FAM162A: variants seen among roughly 807,000 people sequenced by gnomAD.
The protein encoded by FAM162A is protein FAM162A.
Under a neutral mutation model 21.8 loss-of-function variants are expected in FAM162A, and 23 were observed. The ratio of observed to expected loss-of-function variants is 1.05; its 90% confidence interval spans 0.76 to 1.49. The LOEUF (loss-of-function observed/expected upper bound fraction) is 1.49, where lower values mean the gene tolerates loss of function less well. Among genes scored for constraint, FAM162A ranks in the 40% most tolerant of loss-of-function variants. The pLI, the probability that FAM162A is intolerant of heterozygous loss-of-function variation, is 0.00. For missense variants in FAM162A, 165 were observed against 186.4 expected (o/e 0.89, Z 0.67); for synonymous variants, 53 against 61.3 (o/e 0.86, Z 0.64).
At chr3:122,400,344 C>A (rs111882881) in intron 1 of FAM162A, among the ~76,000 whole-genome samples, 10 of 151,628 alleles carry the variant, frequency 6.6e-5, no homozygotes, top group African/African-American at 1.7e-4. Context: ...ACACAGGGAG[C>A]GGAACATCAT....
chr3:122,404,863 T>C (rs2075670108), intron 3 of FAM162A, among the ~76,000 whole-genome samples: 3 of 152,208 alleles, frequency 2.0e-5, no homozygotes, highest in Non-Finnish European at 1.5e-5. Flanking sequence ...TTGTAGATGA[T>C]GAGTGCAGGT....
intron 1 of FAM162A, among the ~76,000 whole-genome samples, chr3:122,395,187 C>T (rs1353064825): frequency 2.0e-5 from 3 of 152,152 alleles, no homozygotes; most frequent in Non-Finnish European, 4.4e-5. Flanking sequence ...AGGCTGAATG[C>T]GTTTCCCCCA....
chr3:122,396,054 C>T (rs2075625707), intron 1 of FAM162A, among the ~76,000 whole-genome samples: 1 of 152,110 alleles, frequency 6.6e-6, no homozygotes, highest in Admixed American at 6.5e-5. Context: ...CAAAATGGAT[C>T]ACAGACCTAA....
chr3:122,388,843 A>T (rs1001973029), intron 1 of FAM162A, among the ~76,000 whole-genome samples: 1 of 152,140 alleles, frequency 6.6e-6, no homozygotes, highest in African/African-American at 2.4e-5. Flanking sequence ...AGGTCAGGAG[A>T]TCGAGACCAT....
At chr3:122,408,850 C>G (rs2075690374) in intron 4 of FAM162A, among the ~76,000 whole-genome samples, 2 of 152,152 alleles carry the variant, frequency 1.3e-5, no homozygotes, top group Admixed American at 6.5e-5. Context: ...TTAGAGAGTT[C>G]TTCTCCTGTT....
chr3:122,393,919 T>C (rs1433858291), intron 1 of FAM162A, among the ~76,000 whole-genome samples: 1 of 152,316 alleles, frequency 6.6e-6, no homozygotes, highest in Non-Finnish European at 1.5e-5. Flanking sequence ...CTCGCATTGC[T>C]AAAAAGAAAT....
intron 1 of FAM162A, among the ~76,000 whole-genome samples, chr3:122,385,523 A>G (rs1471644537): frequency 6.6e-6 from 1 of 152,258 alleles, no homozygotes; most frequent in Non-Finnish European, 1.5e-5. Flanking sequence ...GACTGCATGA[A>G]AAGAACTTTG....
chr3:122,392,574 A>G (rs1481209026), intron 1 of FAM162A, among the ~76,000 whole-genome samples: 1 of 152,254 alleles, frequency 6.6e-6, no homozygotes, highest in Non-Finnish European at 1.5e-5. Context: ...AGCATCACCT[A>G]GGAACTTGTT....
chr3:122,389,828 C>CT (rs1297222839), intron 1 of FAM162A, among the ~76,000 whole-genome samples: 1 of 152,150 alleles, frequency 6.6e-6, no homozygotes. Context: ...TTCTTCACAT[C>CT]TTTTTTTAAC....
intron 1 of FAM162A, among the ~76,000 whole-genome samples, chr3:122,398,080 A>C (rs1453397331): frequency 6.7e-6 from 1 of 149,158 alleles, no homozygotes; most frequent in Admixed American, 6.6e-5. Context: ...AGTCTAGAGC[A>C]CATCACATGT....
chr3:122,403,069 GCCCATGTTCCTACATCATACCT>G (rs576025886), intron 2 of FAM162A, among the ~76,000 whole-genome samples, 187 bp downstream of exon 2: 174 of 152,220 alleles, frequency 1.1e-3, no homozygotes, highest in Middle Eastern at 3.4e-3. Flanking sequence ...CCTGAGGGAG[GCCCATGTTCCTACATCATACCT>G]CCCATGTTTT....
chr3:122,397,339 G>T (rs2075633245), intron 1 of FAM162A, among the ~76,000 whole-genome samples: 1 of 152,138 alleles, frequency 6.6e-6, no homozygotes, highest in Non-Finnish European at 1.5e-5. Flanking sequence ...CTCTGAGGCT[G>T]CAAGACACCC....
intron 4 of FAM162A, among the ~76,000 whole-genome samples, chr3:122,408,389 G>C (rs769419142): frequency 1.3e-5 from 2 of 152,146 alleles, no homozygotes; most frequent in Non-Finnish European, 2.9e-5. Context: ...CTTCCATGTG[G>C]AAAGTGATGT....
At chr3:122,394,218 C>G (rs1227254302) in intron 1 of FAM162A, among the ~76,000 whole-genome samples, 2 of 152,120 alleles carry the variant, frequency 1.3e-5, no homozygotes, top group Non-Finnish European at 2.9e-5. Flanking sequence ...GAAATCCACC[C>G]CCATGATCCA....
In FAM162A at chr3:122,409,722, A is replaced by G; in HGVS notation, c.373-17A>G. ...GACCAGCATACAAATCACCTGTTCAAATCTGTTTTGCTTTAGGCTGCCCAA... is the reference window on the plus strand; with the variant it reads ...GACCAGCATACAAATCACCTGTTCAGATCTGTTTTGCTTTAGGCTGCCCAA... On this transcript the variant is annotated splice_polypyrimidine_tract_variant and intron_variant, in intron 4 of 4. Coordinates refer to ENST00000477892, the MANE Select transcript of FAM162A (RefSeq NM_014367.4). 1.9e-6 allele frequency: 3 copies of G among 1,612,776 alleles called. No individual in the cohort carries two copies. Among genetic ancestry groups the G allele is most frequent in the Non-Finnish European group, 2.5e-6 (3 of 1,178,830 alleles).
intron 3 of FAM162A, among the ~76,000 whole-genome samples, chr3:122,404,814 G>A (rs1219784177): frequency 6.6e-6 from 1 of 152,060 alleles, no homozygotes; most frequent in Non-Finnish European, 1.5e-5. Context: ...AAACCTAAGG[G>A]AAGGGATCTT....
chr3:122,386,556 T>TAA (rs1185441822), intron 1 of FAM162A, among the ~76,000 whole-genome samples: 43 of 105,940 alleles, frequency 4.1e-4, no homozygotes, highest in African/African-American at 1.5e-3. Context: ...AGACCCTGTC[T>TAA]AAAAAAAAAA....
At position 122,410,003 on chromosome 3, in the gene FAM162A, CTG is replaced by C. The variant is rs1404581147; in HGVS notation, c.*176_*177del. 7 of 682,528 alleles carry C rather than the reference CTG, an allele frequency of 1.0e-5. No individual in the cohort carries two copies. Among genetic ancestry groups the C allele is most frequent in the Non-Finnish European group, 1.6e-5 (6 of 377,510 alleles). 42.3% of individuals were successfully genotyped at this position (682,528 alleles called of 1,614,324 possible). ...AGAAATAAATTTTCTTAAATAATGACTGTGTTTTATTGTTTTGATCCAAGTCA... is the reference window on the plus strand; with the variant it reads ...AGAAATAAATTTTCTTAAATAATGACTGTTTTATTGTTTTGATCCAAGTCA... On this transcript the variant is annotated 3_prime_UTR_variant, in exon 5 of 5. Coordinates refer to ENST00000477892, the MANE Select transcript of FAM162A (RefSeq NM_014367.4).
At chr3:122,404,903 T>A (rs1488502157) in intron 3 of FAM162A, among the ~76,000 whole-genome samples, 2 of 152,216 alleles carry the variant, frequency 1.3e-5, no homozygotes, top group Non-Finnish European at 2.9e-5. Flanking sequence ...AACTCAGTAC[T>A]ATTGATATTT....
Sources: allele counts gnomAD v4.1 joint callset (sites outside exome capture counted in the v4.1 genomes callset), GRCh38; gene constraint gnomAD v4.1.1; transcripts MANE v1.5; gene names NCBI Gene and HGNC (gene_info 2026-07-23, HGNC 2026-07-21).